The following PSMD14 variants were observed in gnomAD, a reference collection of about 807,000 sequenced individuals.
The protein encoded by PSMD14 is ubiquitin C-terminal hydrolase PSMD14.
Under a neutral mutation model 41.2 loss-of-function variants are expected in PSMD14, and 7 were observed. The ratio of observed to expected loss-of-function variants is 0.17; its 90% CI spans 0.10 to 0.32. The LOEUF (loss-of-function observed/expected upper bound fraction) is 0.32. Ranked by LOEUF, PSMD14 falls within the 10% of genes least tolerant of loss-of-function variation. The probability of loss-of-function intolerance (pLI) is 1.00; values close to 1 mark genes in which losing one functional copy is unlikely to be tolerated. For missense variants in PSMD14, 139 were observed against 375.6 expected, an observed-to-expected ratio of 0.37 and a Z score of 5.21; for synonymous variants, 114 against 122.3, an observed-to-expected ratio of 0.93 and a Z score of 0.45.
intron 10 of PSMD14, among the ~76,000 whole-genome samples, chr2:161,406,611 G>T (rs947439003): frequency 2.0e-5 from 3 of 152,148 alleles, no homozygotes; most frequent in Admixed American, 1.3e-4. Flanking sequence ...GGTAGATAGA[G>T]AAAATATTTA....
At chr2:161,312,846 G>C (rs953729607) in intron 1 of PSMD14, among the ~76,000 whole-genome samples, 6 of 152,152 alleles carry the variant, frequency 3.9e-5, no homozygotes, top group African/African-American at 1.4e-4. Flanking sequence ...CGAAATGCAA[G>C]TCCCTATCTC....
chr2:161,382,832 AAATTC>A (rs1683586080), intron 7 of PSMD14: 1 of 151,788 alleles, frequency 6.6e-6, no homozygotes, highest in Admixed American at 6.6e-5. Flanking sequence ...ACTGTTTAGA[AAATTC>A]AGAGAGCTCA....
chr2:161,336,369 A>C (rs1452289466), intron 3 of PSMD14, among the ~76,000 whole-genome samples: 1 of 152,188 alleles, frequency 6.6e-6, no homozygotes, highest in Non-Finnish European at 1.5e-5. Flanking sequence ...GGTCGGAAAC[A>C]AGGAAATGAA....
chr2:161,376,061 G>A lies in PSMD14; in HGVS notation c.462+4739G>A, dbSNP rs186318963. Among the ~76,000 whole-genome samples, 52 of 150,290 alleles carry A rather than the reference G, an allele frequency of 3.5e-4. 1 individual carries two copies. In the East Asian group the frequency reaches 9.4e-3, roughly 27 times the overall value. The stretch of plus-strand genomic sequence containing the variant: ...AAGTACTCAGTTTACTCAAATAGTA[G>A]TCTTCTTTTGAGCTTCTTATTTTAT... On this transcript the variant is annotated intron_variant, in intron 7 of 11. Transcript: ENST00000409682.
intron 5 of PSMD14, among the ~76,000 whole-genome samples, chr2:161,369,674 A>C (rs2105257131): frequency 6.6e-6 from 1 of 152,240 alleles, no homozygotes; most frequent in African/African-American, 2.4e-5. Flanking sequence ...AACTAGCAAA[A>C]TAATGCTGTA....
chr2:161,336,326 C>T (rs1016721657), intron 3 of PSMD14, among the ~76,000 whole-genome samples: 7 of 152,146 alleles, frequency 4.6e-5, no homozygotes, highest in Non-Finnish European at 2.9e-5. Context: ...ATTAATAAAA[C>T]ACTGCTTGTA....
At chr2:161,378,485 A>G (rs1683531993) in intron 7 of PSMD14, among the ~76,000 whole-genome samples, 1 of 151,960 alleles carries the variant, frequency 6.6e-6, no homozygotes, top group Non-Finnish European at 1.5e-5. Context: ...CATAGTAACC[A>G]AAAGTGCTCT....
Position 161,361,458 on chromosome 2 carries a change from A to ATT in PSMD14, c.49-6011_49-6010dup, listed in dbSNP as rs34494874. On this transcript the variant is annotated intron_variant, in intron 3 of 11. Coordinates refer to ENST00000409682, the MANE Select transcript of PSMD14 (RefSeq NM_005805.6). ...TTCCAAAATTGAAAAACACGGATAGATTTTTTTTTTCACATACATATTATT... is the reference window on the plus strand; with the variant it reads ...TTCCAAAATTGAAAAACACGGATAGATTTTTTTTTTTTCACATACATATTATT... Among the ~76,000 whole-genome samples, 28 of 149,636 alleles carry ATT rather than the reference A, an allele frequency of 1.9e-4. No homozygotes were observed. The East Asian group carries it at 2.7e-3, about 15-fold the overall frequency.
chr2:161,334,863 C>T (rs1419668220), intron 3 of PSMD14, among the ~76,000 whole-genome samples: 1 of 152,250 alleles, frequency 6.6e-6, no homozygotes, highest in African/African-American at 2.4e-5. Flanking sequence ...TCACGCCTGC[C>T]GTTTGATGTG....
chr2:161,377,363 T>A (rs960065412), intron 7 of PSMD14, among the ~76,000 whole-genome samples: 1 of 151,906 alleles, frequency 6.6e-6, no homozygotes, highest in Non-Finnish European at 1.5e-5. Flanking sequence ...GTTTTGTTAC[T>A]GTATTATCTT....
intron 10 of PSMD14, chr2:161,408,116 T>C (rs1016921580): frequency 1.1e-4 from 17 of 152,068 alleles, no homozygotes; most frequent in African/African-American, 4.1e-4. Context: ...TGGAAAGTGG[T>C]TTTCATGTAT....
chr2:161,370,055 C>G (rs546607441), intron 5 of PSMD14, 52 bp from the exon 6 acceptor site: 1 of 1,388,874 alleles, frequency 7.2e-7, no homozygotes, highest in East Asian at 2.5e-5. Flanking sequence ...CATAGGGAAG[C>G]TTTTTTTCCA....
rs76857526 is a variant in PSMD14, at chr2:161,337,020, A to T, written c.48+18147A>T. Among the ~76,000 whole-genome samples, 216 of 152,352 alleles carry T rather than the reference A, an allele frequency of 1.4e-3. 3 individuals are homozygous for T. In the East Asian group the frequency reaches 0.034, roughly 24 times the overall value. ...ATATGAATCATTTACTTTGGAAGTA[A>T]CTTATTCAAAGTCATTTAAAGAAAA... On this transcript the variant is annotated intron_variant, in intron 3 of 11. Transcript: ENST00000409682.
At chr2:161,411,105 A>G (rs1424598844) in intron 11 of PSMD14, among the ~76,000 whole-genome samples, 197 bp from the exon 12 acceptor site, 1 of 152,114 alleles carries the variant, frequency 6.6e-6, no homozygotes, top group African/African-American at 2.4e-5. Flanking sequence ...TGTGTAATCT[A>G]TTATTTTATT....
chr2:161,400,575 A>G (rs1186119250), intron 10 of PSMD14, among the ~76,000 whole-genome samples: 1 of 152,194 alleles, frequency 6.6e-6, no homozygotes, highest in African/African-American at 2.4e-5. Flanking sequence ...ATTATTAAAG[A>G]CAAGGTCTCA....
At chr2:161,398,919 G>C (rs1683838831) in intron 10 of PSMD14, among the ~76,000 whole-genome samples, 1 of 152,040 alleles carries the variant, frequency 6.6e-6, no homozygotes. Flanking sequence ...GGATATGATA[G>C]AATGTGTTTG....
At chr2:161,372,472 A>T (rs183822621) in intron 7 of PSMD14, among the ~76,000 whole-genome samples, 81 of 152,084 alleles carry the variant, frequency 5.3e-4, no homozygotes, top group African/African-American at 1.9e-3. Flanking sequence ...TCATGTATAA[A>T]AATTGAGGTC....
At chr2:161,338,068 A>C (rs888895251) in intron 3 of PSMD14, among the ~76,000 whole-genome samples, 1 of 152,342 alleles carries the variant, frequency 6.6e-6, no homozygotes, top group Admixed American at 6.5e-5. Context: ...ACATTTTGTA[A>C]AACCATCTAG....
At chr2:161,392,408 T>G (rs926973172) in intron 9 of PSMD14, among the ~76,000 whole-genome samples, 3 of 152,178 alleles carry the variant, frequency 2.0e-5, no homozygotes, top group Admixed American at 6.5e-5. Flanking sequence ...AGAAGGGGAT[T>G]CTGGTACATG....
Sources: gnomAD v4.1 joint callset for allele counts (sites outside exome capture counted in the v4.1 genomes callset) on GRCh38, gnomAD v4.1.1 for gene constraint, MANE v1.5 for transcripts, NCBI Gene and HGNC (gene_info 2026-07-23, HGNC 2026-07-21) for gene names.